SLC24A2: variants seen among roughly 807,000 people sequenced by gnomAD.
SLC24A2 encodes the protein solute carrier family 24 member 2, also known as sodium/potassium/calcium exchanger 2.
SLC24A2 carries 36 observed loss-of-function variants against 62.0 expected under a neutral mutation model. The observed-to-expected ratio is 0.58, with a 90% CI of 0.44 to 0.77. The LOEUF (loss-of-function observed/expected upper bound fraction) is 0.77, where lower values mean the gene tolerates loss of function less well. Ranked by LOEUF, SLC24A2 falls within the 30% of genes least tolerant of loss-of-function variation. The probability of loss-of-function intolerance (pLI) is 0.00; values close to 1 mark genes in which losing one functional copy is unlikely to be tolerated. For missense variants in SLC24A2, 846 were observed against 817.9 expected (o/e 1.03, Z -0.42); for synonymous variants, 358 against 294.0 (o/e 1.22, Z -2.23).
At chr9:19,547,999 A>C (rs1289096743) in intron 8 of SLC24A2, among the ~76,000 whole-genome samples, 6 of 151,648 alleles carry the variant, frequency 4.0e-5, no homozygotes, top group Non-Finnish European at 8.8e-5. Flanking sequence ...GAATAAAGAA[A>C]CTTAAATATT....
chr9:19,532,287 G>C lies in SLC24A2; in HGVS notation c.1480-4149C>G, dbSNP rs1219042745. ...TTTTTTGTATTTTTAGTAGAGACAG[G>C]GTTTCTCTATGTTGGTCAGGCTGGT... On this transcript the variant is annotated intron_variant, in intron 8 of 10. Transcript: ENST00000341998. 2.6e-5 allele frequency among the ~76,000 whole-genome samples: 4 copies of C among 151,954 alleles called. No homozygotes were observed. In the South Asian group the frequency reaches 6.2e-4, roughly 24 times the overall value.
the SLC24A2 span, among the ~76,000 whole-genome samples, chr9:20,257,812 C>T: frequency 1.6e-4 from 24 of 152,174 alleles, no homozygotes; most frequent in African/African-American, 5.8e-4. Context: ...TGGTTCCCAT[C>T]CCCTGAGCCT....
chr9:20,290,218 T>C, the SLC24A2 span, among the ~76,000 whole-genome samples: 1 of 152,210 alleles, frequency 6.6e-6, no homozygotes, highest in Non-Finnish European at 1.5e-5. Flanking sequence ...GGCTGAACTC[T>C]GTCAAACCAA....
At chr9:19,568,616 A>T (rs1450977150) in intron 7 of SLC24A2, among the ~76,000 whole-genome samples, 2 of 152,224 alleles carry the variant, frequency 1.3e-5, no homozygotes, top group Non-Finnish European at 2.9e-5. Flanking sequence ...ATAACAGGTT[A>T]AGTCACTTTT....
chr9:19,987,063 G>A, the SLC24A2 span, among the ~76,000 whole-genome samples: 905 of 152,270 alleles, frequency 5.9e-3, 13 homozygotes, highest in African/African-American at 0.02. Flanking sequence ...AATAGACAGT[G>A]GAGGGTGGAA....
At chr9:20,137,457 T>A in the SLC24A2 span, among the ~76,000 whole-genome samples, 1 of 152,160 alleles carries the variant, frequency 6.6e-6, no homozygotes, top group African/African-American at 2.4e-5. Context: ...AGGGCTTACA[T>A]CTCATGTCAC....
At chr9:19,783,387 C>G (rs892741008) in intron 2 of SLC24A2, among the ~76,000 whole-genome samples, 2 of 152,180 alleles carry the variant, frequency 1.3e-5, no homozygotes, top group African/African-American at 4.8e-5. Flanking sequence ...GCACATTCCT[C>G]TCTAGGAAGA....
chr9:19,884,498 A>G, the SLC24A2 span, among the ~76,000 whole-genome samples: 1 of 152,210 alleles, frequency 6.6e-6, no homozygotes, highest in Non-Finnish European at 1.5e-5. Context: ...AAAGTTTTTC[A>G]TTGTGAAATC....
chr9:19,641,570 A>G (rs1335016733), intron 2 of SLC24A2, among the ~76,000 whole-genome samples: 1 of 148,138 alleles, frequency 6.8e-6, no homozygotes, highest in Admixed American at 6.8e-5. Flanking sequence ...GCTGGAGTGC[A>G]GTGGTGTGAT....
At chr9:19,855,794 C>T in the SLC24A2 span, among the ~76,000 whole-genome samples, 3 of 152,166 alleles carry the variant, frequency 2.0e-5, no homozygotes, top group South Asian at 2.1e-4. Context: ...AGTATTTTAC[C>T]AGGATTCTCT....
At chr9:20,140,785 TATG>T in the SLC24A2 span, among the ~76,000 whole-genome samples, 63 of 152,298 alleles carry the variant, frequency 4.1e-4, no homozygotes, top group African/African-American at 1.4e-3. Context: ...GACAATACAT[TATG>T]ATTATTGTAT....
At chr9:19,729,547 T>A (rs1264956028) in intron 2 of SLC24A2, among the ~76,000 whole-genome samples, 1 of 152,118 alleles carries the variant, frequency 6.6e-6, no homozygotes, top group Admixed American at 6.5e-5. Flanking sequence ...ATAAAAAGAA[T>A]GGAATCCTGT....
At chr9:19,565,269 T>C (rs985876558) in intron 7 of SLC24A2, among the ~76,000 whole-genome samples, 1 of 151,072 alleles carries the variant, frequency 6.6e-6, no homozygotes, top group African/African-American at 2.4e-5. Context: ...CAGCAAAGTC[T>C]CAGGATACAA....
At chr9:20,224,695 A>G in the SLC24A2 span, among the ~76,000 whole-genome samples, 1 of 149,944 alleles carries the variant, frequency 6.7e-6, no homozygotes, top group African/African-American at 2.5e-5. Flanking sequence ...AGAGAAGAAG[A>G]GGGAGGGAGG....
In SLC24A2 at chr9:19,514,726, G is replaced by C. The variant is rs1036443780; in HGVS notation, c.*1427C>G. On this transcript the variant is annotated 3_prime_UTR_variant, in exon 11 of 11. Coordinates refer to ENST00000341998, the MANE Select transcript of SLC24A2 (RefSeq NM_020344.4). ...ACTCTAAAACTTAGACAGAATCCCA[G>C]ATAAGGTCTTGATGGAAGAAGAGAC... 6.6e-6 allele frequency: 1 copy of C among 152,194 alleles called. No homozygotes were observed. The highest frequency in any genetic ancestry group is 2.4e-5 in the African/African-American group (1 of 41,432). 9.4% of individuals were successfully genotyped at this position (152,194 alleles called of 1,614,324 possible). A position where few individuals can be genotyped will look rare whatever the true frequency, so the allele number is the denominator to read the frequency against.
At chr9:20,099,134 G>A in the SLC24A2 span, among the ~76,000 whole-genome samples, 1 of 152,206 alleles carries the variant, frequency 6.6e-6, no homozygotes, top group Non-Finnish European at 1.5e-5. Flanking sequence ...ATCAAAGCAT[G>A]ATAATAACAT....
intron 9 of SLC24A2, among the ~76,000 whole-genome samples, chr9:19,523,665 G>C (rs550415998): frequency 6.6e-6 from 1 of 152,074 alleles, no homozygotes; most frequent in African/African-American, 2.4e-5. Flanking sequence ...GTTTCACCAC[G>C]TTGGCCAGGC....
the SLC24A2 span, among the ~76,000 whole-genome samples, chr9:20,275,037 T>G: frequency 7.2e-5 from 11 of 152,128 alleles, no homozygotes; most frequent in African/African-American, 2.7e-4. Context: ...GCAATATACC[T>G]GAGGCCTGGC....
At chr9:19,990,883 G>A in the SLC24A2 span, among the ~76,000 whole-genome samples, 6 of 128,224 alleles carry the variant, frequency 4.7e-5, no homozygotes, top group Admixed American at 2.4e-4. Flanking sequence ...ATAGGGTTCC[G>A]TGCTGTATTA....
Sources: gnomAD v4.1 joint callset for allele counts (sites outside exome capture counted in the v4.1 genomes callset) on GRCh38, gnomAD v4.1.1 for gene constraint, MANE v1.5 for transcripts, NCBI Gene and HGNC (gene_info 2026-07-23, HGNC 2026-07-21) for gene names.